Variants in HOOK1 observed in about 807,000 individuals in gnomAD.
HOOK1 encodes the protein hook microtubule tethering protein 1.
HOOK1 carries 60 observed loss-of-function variants against 112.8 expected under a neutral mutation model. The ratio of observed to expected loss-of-function variants is 0.53; its 90% CI spans 0.43 to 0.66. The LOEUF (loss-of-function observed/expected upper bound fraction) is 0.66, where lower values mean the gene tolerates loss of function less well. Among genes scored for constraint, HOOK1 ranks in the 30% least tolerant of loss-of-function variants. The pLI, the probability that HOOK1 is intolerant of heterozygous loss-of-function variation, is 0.00. For synonymous variants in HOOK1, 294 were observed against 283.8 expected (o/e 1.04, Z -0.36); for missense variants, 770 against 856.0 (o/e 0.90, Z 1.25).
chr1:59,858,047 T>G lies in HOOK1; in HGVS notation c.1243-381T>G, dbSNP rs377054044. ...GGTTTATGTATCAGTATTCCTATTT[T>G]GAAGTTATGGATACTAAAGCCAAAG... On this transcript the variant is annotated intron_variant, in intron 12 of 21. Transcript: ENST00000371208. Among the ~76,000 whole-genome samples, 18 of 152,348 alleles carry G rather than the reference T, an allele frequency of 1.2e-4. No individual in the cohort carries two copies. In the East Asian group the frequency reaches 3.3e-3, roughly 28 times the overall value.
chr1:59,854,025 TATATATATATATA>T (rs1162200312), intron 12 of HOOK1, among the ~76,000 whole-genome samples: 18 of 27,766 alleles, frequency 6.5e-4, no homozygotes, highest in African/African-American at 2.4e-3. Context: ...TATATATATA[TATATATATATATA>T]TTTTTTTTTT....
intron 8 of HOOK1, 35 bp from the exon 9 acceptor site, chr1:59,843,397 C>A: frequency 6.8e-7 from 1 of 1,468,894 alleles, no homozygotes; most frequent in Non-Finnish European, 9.3e-7. Flanking sequence ...TGTTTTTTTT[C>A]TACTGGTGCT....
intron 21 of HOOK1, among the ~76,000 whole-genome samples, chr1:59,872,429 G>A (rs904923385): frequency 6.6e-6 from 1 of 152,064 alleles, no homozygotes; most frequent in South Asian, 2.1e-4. Flanking sequence ...TTGTTAATCC[G>A]GGGACCACCC....
At chr1:59,823,672 T>G (rs1202031866) in intron 2 of HOOK1, among the ~76,000 whole-genome samples, 1 of 152,260 alleles carries the variant, frequency 6.6e-6, no homozygotes, top group Non-Finnish European at 1.5e-5. Flanking sequence ...CATGATGTGA[T>G]GCATATAGCT....
rs1189804550 is a variant in HOOK1, at chr1:59,820,389, C to T, written c.64-1469C>T. 2.0e-5 allele frequency among the ~76,000 whole-genome samples: 3 copies of T among 152,188 alleles called. No homozygotes were observed. The East Asian group carries it at 5.8e-4, about 29-fold the overall frequency. On this transcript the variant is annotated intron_variant, in intron 1 of 21. Coordinates refer to ENST00000371208, the MANE Select transcript of HOOK1 (RefSeq NM_015888.6). ...TTAAGTGTAAAATAAGTCCAAGCTT[C>T]TTGTCATGGCCCTTTGGAGTCCTGT...
chr1:59,837,490 A>G (rs894719042), intron 7 of HOOK1, among the ~76,000 whole-genome samples: 1 of 152,164 alleles, frequency 6.6e-6, no homozygotes, highest in African/African-American at 2.4e-5. Context: ...TCATCTCAAG[A>G]AGTATTTCAA....
At position 59,833,617 on chromosome 1, in the gene HOOK1, A is replaced by G. The variant is rs1164447242; in HGVS notation, c.406+80A>G. 7.8e-5 allele frequency: 94 copies of G among 1,203,396 alleles called. 2 individuals are homozygous for G. The East Asian group carries it at 9.5e-4, about 12-fold the overall frequency. The allele number at this position is 1,203,396 out of a possible 1,614,324, so 74.5% of individuals were successfully genotyped here. A position where few individuals can be genotyped will look rare whatever the true frequency, so the allele number is the denominator to read the frequency against. On this transcript the variant is annotated intron_variant, in intron 5 of 21. Coordinates refer to ENST00000371208, the MANE Select transcript of HOOK1 (RefSeq NM_015888.6). ...GCTATATAAGCTAGCATTAAATCAT[A>G]CTATTAAAGCTTGGCAGAAAGCACC... is the stretch of plus-strand genomic sequence containing the variant.
chr1:59,843,951 C>T (rs1457328891), intron 9 of HOOK1, among the ~76,000 whole-genome samples: 1 of 151,904 alleles, frequency 6.6e-6, no homozygotes, highest in Non-Finnish European at 1.5e-5. Flanking sequence ...AAATGTAAAT[C>T]GTAAGCCAAG....
chr1:59,868,209 T>C (rs775565446), intron 19 of HOOK1, 41 bp from the exon 20 acceptor site: 1 of 1,088,188 alleles, frequency 9.2e-7, no homozygotes. Context: ...TTTTAATACT[T>C]TAAAATATAA....
At chr1:59,817,271 C>T (rs1332565643) in intron 1 of HOOK1, among the ~76,000 whole-genome samples, 1 of 152,186 alleles carries the variant, frequency 6.6e-6, no homozygotes, top group Non-Finnish European at 1.5e-5. Context: ...ACCCTTTATG[C>T]TTCACTCTCA....
At chr1:59,854,038 ATTTTTTTTTTTT>A (rs869107272) in intron 12 of HOOK1, among the ~76,000 whole-genome samples, 5 of 11,444 alleles carry the variant, frequency 4.4e-4, no homozygotes, top group South Asian at 5.0e-3. Context: ...ATATATATAT[ATTTTTTTTTTTT>A]TTTTTTTTTT....
At chr1:59,823,277 G>GCA (rs1194238082) in intron 2 of HOOK1, among the ~76,000 whole-genome samples, 10 of 152,322 alleles carry the variant, frequency 6.6e-5, no homozygotes, top group African/African-American at 2.2e-4. Flanking sequence ...CCGAGATCCT[G>GCA]CCACTGCACT....
Position 59,815,052 on chromosome 1 carries a change from C to G in HOOK1, c.-66C>G. The G allele has an allele frequency of 6.9e-7, 1 of 1,455,822 alleles. No homozygotes were observed. Among genetic ancestry groups the G allele is most frequent in the Non-Finnish European group, 9.2e-7 (1 of 1,091,800 alleles). The allele number at this position is 1,455,822 out of a possible 1,614,324, so 90.2% of individuals were successfully genotyped here. On this transcript the variant is annotated 5_prime_UTR_variant, in exon 1 of 22. Coordinates refer to ENST00000371208, the MANE Select transcript of HOOK1 (RefSeq NM_015888.6). ...GGCTAGCAGGTCGTGGACGCCGGCTCCTGGAGGAGAGCCGGTAGGAGGGAG... is the reference window on the plus strand; with the variant it reads ...GGCTAGCAGGTCGTGGACGCCGGCTGCTGGAGGAGAGCCGGTAGGAGGGAG...
chr1:59,851,140 G>A (rs953623976), intron 12 of HOOK1, among the ~76,000 whole-genome samples: 1 of 151,376 alleles, frequency 6.6e-6, no homozygotes, highest in African/African-American at 2.4e-5. Context: ...CTTCTTCAAG[G>A]CTGTTTTTGT....
rs1316104506 is a variant in HOOK1, at chr1:59,827,115, T to A, written c.150-1665T>A. ...TCATGTGATTGTGGAGGATGAAAAG[T>A]TTAAATTCTGCAGGGTAAGCCAGCA... On this transcript the variant is annotated intron_variant, in intron 2 of 21. Coordinates refer to ENST00000371208, the MANE Select transcript of HOOK1 (RefSeq NM_015888.6). Among the ~76,000 whole-genome samples the A allele has an allele frequency of 2.0e-5, 3 of 152,162 alleles. No individual in the cohort carries two copies. In the East Asian group the frequency reaches 5.8e-4, roughly 29 times the overall value.
In HOOK1 at chr1:59,875,983, G is replaced by A. The variant is rs1644122098; in HGVS notation, c.*3018G>A. 6.6e-6 allele frequency: 1 copy of A among 152,588 alleles called. No individual in the cohort carries two copies. Among genetic ancestry groups the A allele is most frequent in the South Asian group, 2.1e-4 (1 of 4,828 alleles). The allele number at this position is 152,588 out of a possible 1,614,324, so 9.5% of individuals were successfully genotyped here. On this transcript the variant is annotated 3_prime_UTR_variant, in exon 22 of 22. Coordinates refer to ENST00000371208, the MANE Select transcript of HOOK1 (RefSeq NM_015888.6). ...GGGCACTTCTGACCCTGGGGCTTGGGGATGGCCTTTAGGCCACAGTAGTGT... is the reference window on the plus strand; with the variant it reads ...GGGCACTTCTGACCCTGGGGCTTGGAGATGGCCTTTAGGCCACAGTAGTGT...
At chr1:59,865,113 A>G in intron 17 of HOOK1, 50 bp from the exon 18 acceptor site, 1 of 1,161,336 alleles carries the variant, frequency 8.6e-7, no homozygotes, top group Non-Finnish European at 1.3e-6. Context: ...CCCAAGGTCC[A>G]CAAATGTTAT....
chr1:59,830,939 C>T (rs1346327901), intron 3 of HOOK1, among the ~76,000 whole-genome samples: 4 of 147,438 alleles, frequency 2.7e-5, no homozygotes, highest in South Asian at 2.2e-4. Flanking sequence ...TTCGCTCTTA[C>T]GCCCAGCCTG....
chr1:59,814,984 G>C lies in HOOK1; in HGVS notation c.-134G>C. The stretch of plus-strand genomic sequence containing the variant: ...ACGCGTCGACAGCGCGAGGGTTCGC[G>C]CGTGAGCTGCGCGGGTCGGGCCTGG... On this transcript the variant is annotated 5_prime_UTR_variant, in exon 1 of 22. Transcript: ENST00000371208. The C allele has an allele frequency of 1.2e-6, 1 of 862,204 alleles. No homozygotes were observed. Among genetic ancestry groups the C allele is most frequent in the Non-Finnish European group, 1.8e-6 (1 of 558,334 alleles). 53.4% of individuals were successfully genotyped at this position (862,204 alleles called of 1,614,324 possible).
Sources: gnomAD v4.1 joint callset for allele counts (sites outside exome capture counted in the v4.1 genomes callset) on GRCh38, gnomAD v4.1.1 for gene constraint, MANE v1.5 for transcripts, NCBI Gene and HGNC (gene_info 2026-07-23, HGNC 2026-07-21) for gene names.